The following CLVS1 variants were observed in gnomAD, a reference collection of about 807,000 sequenced individuals.
CLVS1 encodes the protein clavesin 1.
In CLVS1, 10 loss-of-function variants were observed where a neutral mutation model predicts 33.1. That is an observed-to-expected ratio of 0.30 (90% CI 0.19 to 0.51). The LOEUF is 0.51. Ranked by LOEUF, CLVS1 falls within the 20% of genes least tolerant of loss-of-function variation. The pLI, the probability that CLVS1 is intolerant of heterozygous loss-of-function variation, is 0.97. For missense variants in CLVS1, 343 were observed against 433.4 expected (o/e 0.79, Z 1.85); for synonymous variants, 163 against 166.1 (o/e 0.98, Z 0.14).
chr8:61,059,499 T>TATATATATATATATATATACACACAC (rs1265187479), intron 1 of CLVS1, among the ~76,000 whole-genome samples: 1 of 96,352 alleles, frequency 1.0e-5, no homozygotes, highest in Non-Finnish European at 2.0e-5. Flanking sequence ...TATATATATA[T>TATATATATATATATATATACACACAC]ACACATATCT....
At chr8:61,160,023 G>C (rs1806723467) in intron 2 of CLVS1, among the ~76,000 whole-genome samples, 1 of 152,194 alleles carries the variant, frequency 6.6e-6, no homozygotes, top group African/African-American at 2.4e-5. Flanking sequence ...ACTTCTTGAG[G>C]ATAAACTTTT....
At chr8:61,340,111 AAGAG>A (rs972711707) in intron 2 of CLVS1, among the ~76,000 whole-genome samples, 3 of 152,222 alleles carry the variant, frequency 2.0e-5, no homozygotes, top group East Asian at 3.9e-4. Context: ...AAAAGAAAGA[AAGAG>A]AGAAAGGGAA....
chr8:61,074,942 T>TG (rs1804881709), intron 1 of CLVS1, among the ~76,000 whole-genome samples: 1 of 152,164 alleles, frequency 6.6e-6, no homozygotes, highest in Non-Finnish European at 1.5e-5. Context: ...TCAGAGAATC[T>TG]GGGGGGAAGC....
chr8:61,074,371 TATATAA>T (rs370795973), intron 1 of CLVS1, among the ~76,000 whole-genome samples: 46,978 of 136,492 alleles, frequency 0.34, 11,597 homozygotes, highest in African/African-American at 0.6. Context: ...TATATATATA[TATATAA>T]GTATATGTGT....
intron 2 of CLVS1, among the ~76,000 whole-genome samples, chr8:61,186,312 C>T (rs540622616): frequency 2.0e-5 from 3 of 152,210 alleles, no homozygotes; most frequent in Non-Finnish European, 4.4e-5. Flanking sequence ...TGTCATATCT[C>T]TGTAGCTGGT....
chr8:61,075,558 G>C (rs1374486133), intron 1 of CLVS1, among the ~76,000 whole-genome samples: 1 of 152,204 alleles, frequency 6.6e-6, no homozygotes, highest in South Asian at 2.1e-4. Flanking sequence ...AACTAAGATG[G>C]AAACTACTCC....
intron 2 of CLVS1, among the ~76,000 whole-genome samples, chr8:61,321,631 A>G (rs554718030): frequency 4.9e-4 from 74 of 152,214 alleles, no homozygotes; most frequent in Middle Eastern, 3.4e-3. Context: ...ACTCTTGTTC[A>G]GCAGTAGTGC....
intron 2 of CLVS1, among the ~76,000 whole-genome samples, chr8:61,266,328 G>T (rs1409624672): frequency 1.4e-5 from 2 of 145,348 alleles, no homozygotes; most frequent in African/African-American, 2.6e-5. Flanking sequence ...TAAATGCATA[G>T]CTGAACTGCT....
At chr8:61,066,844 G>A (rs544886623) in intron 1 of CLVS1, among the ~76,000 whole-genome samples, 1 of 152,246 alleles carries the variant, frequency 6.6e-6, no homozygotes, top group African/African-American at 2.4e-5. Context: ...TAGCCAGAAA[G>A]TTGGGAGTGT....
chr8:61,022,800 C>CAT, the CLVS1 span, among the ~76,000 whole-genome samples: 2 of 152,204 alleles, frequency 1.3e-5, no homozygotes, highest in Non-Finnish European at 2.9e-5. Context: ...ACACAGACAG[C>CAT]ATATATATAC....
At chr8:61,331,222 T>A (rs1320995549) in intron 2 of CLVS1, among the ~76,000 whole-genome samples, 2 of 152,242 alleles carry the variant, frequency 1.3e-5, no homozygotes, top group Non-Finnish European at 2.9e-5. Flanking sequence ...TTACTTCCAA[T>A]GATATTTTAA....
intron 2 of CLVS1, among the ~76,000 whole-genome samples, chr8:61,270,598 T>C (rs370582308): frequency 1.2e-3 from 180 of 151,926 alleles, no homozygotes; most frequent in African/African-American, 3.9e-3. Context: ...GGTACCAGTT[T>C]CTCCTTGTAC....
chr8:61,275,933 GT>G (rs1286953057), intron 2 of CLVS1, among the ~76,000 whole-genome samples: 24 of 152,154 alleles, frequency 1.6e-4, no homozygotes, highest in African/African-American at 5.1e-4. Context: ...AGATCATATG[GT>G]TTTGCATAAG....
In CLVS1 at chr8:61,094,268, G is replaced by C. The variant is rs1050613455; in HGVS notation, c.-243+37038G>C. Among the ~76,000 whole-genome samples the C allele has an allele frequency of 5.9e-4, 89 of 152,020 alleles. 1 individual carries two copies. Among genetic ancestry groups the C allele is most frequent in the Non-Finnish European group, 1.3e-4 (9 of 68,020 alleles). The stretch of plus-strand genomic sequence containing the variant: ...TGTTTTCATCTCTCTTATTTCTCTT[G>C]CCTGTCCTCCCACCACTATGGTTCT... On this transcript the variant is annotated intron_variant, in intron 1 of 2. Coordinates refer to the CLVS1 transcript ENST00000522621.
intron 2 of CLVS1, among the ~76,000 whole-genome samples, chr8:61,194,424 G>T (rs1461907020): frequency 6.6e-6 from 1 of 151,932 alleles, no homozygotes; most frequent in Non-Finnish European, 1.5e-5. Flanking sequence ...TTTGAGTAAT[G>T]GCTGATATAT....
At chr8:61,334,290 A>G (rs563458952) in intron 2 of CLVS1, among the ~76,000 whole-genome samples, 11 of 152,212 alleles carry the variant, frequency 7.2e-5, no homozygotes, top group Admixed American at 3.9e-4. Context: ...AATTTGGTTA[A>G]CAAGCATTTC....
At chr8:61,098,331 G>C (rs2129285962) in intron 1 of CLVS1, among the ~76,000 whole-genome samples, 1 of 151,598 alleles carries the variant, frequency 6.6e-6, no homozygotes, top group East Asian at 1.9e-4. Flanking sequence ...TGATTAGGAG[G>C]GCTCTGCTCA....
the CLVS1 span, among the ~76,000 whole-genome samples, chr8:60,997,902 C>T: frequency 1.3e-5 from 2 of 152,062 alleles, no homozygotes; most frequent in East Asian, 3.9e-4. Flanking sequence ...AGGTCATAGC[C>T]CTCTTGGGAC....
At chr8:61,226,005 T>C (rs1808320777) in intron 2 of CLVS1, among the ~76,000 whole-genome samples, 1 of 152,226 alleles carries the variant, frequency 6.6e-6, no homozygotes, top group South Asian at 2.1e-4. Flanking sequence ...GAGTTTCTAA[T>C]GTTACCATGG....
Sources: gnomAD v4.1 joint callset for allele counts (sites outside exome capture counted in the v4.1 genomes callset) on GRCh38, gnomAD v4.1.1 for gene constraint, MANE v1.5 for transcripts, NCBI Gene and HGNC (gene_info 2026-07-23, HGNC 2026-07-21) for gene names.